MAPT: variants seen among roughly 807,000 people sequenced by gnomAD.
The protein encoded by MAPT is microtubule associated protein tau.
A neutral mutation model predicts 67.9 loss-of-function variants in MAPT; 34 were observed. That is an observed-to-expected ratio of 0.50 (90% confidence interval 0.38 to 0.67). The LOEUF (loss-of-function observed/expected upper bound fraction) is 0.67, where lower values mean the gene tolerates loss of function less well. MAPT is among the 30% of genes least tolerant of loss of function. The pLI is 0.00. For missense variants in MAPT, 881 were observed against 1,115.2 expected, an observed-to-expected ratio of 0.79 and a Z score of 2.99; for synonymous variants, 456 against 464.5, an observed-to-expected ratio of 0.98 and a Z score of 0.23.
At chr17:45,904,627 G>A (rs556305050) in intron 1 of MAPT, among the ~76,000 whole-genome samples, 1 of 151,168 alleles carries the variant, frequency 6.6e-6, no homozygotes, top group South Asian at 2.1e-4. Context: ...AGGAGTTCAA[G>A]GCTACAGTGA....
rs1229601664 is a variant in MAPT at position 45,985,606 on chromosome 17, G to T, written c.1352-1434G>T. The T allele has an allele frequency of 5.8e-6, 5 of 854,994 alleles. No individual in the cohort carries two copies. In the African/African-American group the frequency reaches 9.1e-5, roughly 16 times the overall value. The allele number at this position is 854,994 out of a possible 1,614,324, so 53.0% of individuals were successfully genotyped here. On this transcript the variant is annotated intron_variant, in intron 5 of 12. Coordinates refer to ENST00000262410, the MANE Select transcript of MAPT (RefSeq NM_001377265.1). ...AATGGCCATTGTGACCCTCTGAGAAGGTCACAGAGTGGGTTTCCCAAACTT... is the reference window on the plus strand; with the variant it reads ...AATGGCCATTGTGACCCTCTGAGAATGTCACAGAGTGGGTTTCCCAAACTT...
At chr17:45,984,301 C>T (rs188781184) in intron 5 of MAPT, among the ~76,000 whole-genome samples, 7 of 152,328 alleles carry the variant, frequency 4.6e-5, no homozygotes, top group African/African-American at 9.6e-5. Flanking sequence ...CTAGAACTCT[C>T]CAACCCTCCC....
At chr17:45,984,749 G>A (rs942874389) in intron 5 of MAPT, among the ~76,000 whole-genome samples, 2 of 152,210 alleles carry the variant, frequency 1.3e-5, no homozygotes, top group Non-Finnish European at 2.9e-5. Flanking sequence ...TCAGGAGCAC[G>A]ACCACAGCAG....
intron 1 of MAPT, among the ~76,000 whole-genome samples, chr17:45,904,321 A>AAT (rs2064102972): frequency 6.1e-5 from 2 of 32,642 alleles, no homozygotes; most frequent in Admixed American, 4.8e-4. Flanking sequence ...AAACATATAT[A>AAT]ATATATATTA....
At chr17:45,903,903 T>TTTATATATTATATA (rs1461297992) in intron 1 of MAPT, among the ~76,000 whole-genome samples, 370 of 30,726 alleles carry the variant, frequency 0.012, 30 homozygotes, top group African/African-American at 0.04. Context: ...ATTATATATA[T>TTTATATATTATATA]TTATATATTA....
chr17:46,003,421 A>G lies in MAPT; in HGVS notation c.1998+6757A>G, dbSNP rs182584863. On this transcript the variant is annotated intron_variant, in intron 9 of 12. Transcript: ENST00000262410. ...AGCCTCCCTAGTAGCTGGGATTACA[A>G]GCACACACCACCATGCCTAGCAAAT... Among the ~76,000 whole-genome samples, 305 of 152,030 alleles carry G rather than the reference A, an allele frequency of 2.0e-3. 1 individual carries two copies. Among genetic ancestry groups the G allele is most frequent in the African/African-American group, 6.7e-3 (279 of 41,472 alleles).
intron 3 of MAPT, 31 bp from the exon 4 acceptor site, chr17:45,978,344 A>ACC: frequency 6.4e-7 from 1 of 1,566,638 alleles, no homozygotes; most frequent in Non-Finnish European, 8.8e-7. Context: ...TCTTGCTTTT[A>ACC]CCCCCCTTCA....
At chr17:45,905,339 C>T (rs2064232514) in intron 1 of MAPT, among the ~76,000 whole-genome samples, 1 of 152,192 alleles carries the variant, frequency 6.6e-6, no homozygotes. Flanking sequence ...CTTAGCATCT[C>T]AACTGTGCCT....
At chr17:46,020,148 T>C (rs892493047) in intron 12 of MAPT, among the ~76,000 whole-genome samples, 1 of 151,962 alleles carries the variant, frequency 6.6e-6, no homozygotes, top group Non-Finnish European at 1.5e-5. Context: ...ATTTTCTAAA[T>C]GGGTTACTAG....
At chr17:46,004,077 G>T (rs1320615282) in intron 9 of MAPT, among the ~76,000 whole-genome samples, 1 of 152,212 alleles carries the variant, frequency 6.6e-6, no homozygotes, top group Non-Finnish European at 1.5e-5. Context: ...TAAACTCCCA[G>T]CAGAGTATTG....
chr17:45,950,098 G>A (rs1164461070), intron 1 of MAPT, among the ~76,000 whole-genome samples: 1 of 152,108 alleles, frequency 6.6e-6, no homozygotes, highest in African/African-American at 2.4e-5. Context: ...TGGGTCACTG[G>A]GGCTCGGTGG....
chr17:45,919,633 C>T (rs1331682338), intron 1 of MAPT, among the ~76,000 whole-genome samples: 2 of 152,296 alleles, frequency 1.3e-5, no homozygotes, highest in East Asian at 1.9e-4. Context: ...CGGGTTGGGG[C>T]GCAGTGGCTC....
rs1016459640 is a variant in MAPT at position 45,996,251 on chromosome 17, G to A, written c.1733-148G>A. 43 of 811,662 alleles carry A rather than the reference G, an allele frequency of 5.3e-5. No homozygotes were observed. Among genetic ancestry groups the A allele is most frequent in the African/African-American group, 1.3e-4 (8 of 59,492 alleles). 50.3% of individuals were successfully genotyped at this position (811,662 alleles called of 1,614,324 possible). A position where few individuals can be genotyped will look rare whatever the true frequency, so the allele number is the denominator to read the frequency against. The stretch of plus-strand genomic sequence containing the variant: ...GAAGAGATGCTTCCCCAGGGCAGCC[G>A]TCTGCTGTAGCTGCGCTTCCAACCT... On this transcript the variant is annotated intron_variant, in intron 8 of 12. Transcript: ENST00000262410. This position sits in a 1 kb window ranked among gnomAD's most constrained non-coding sequence, Gnocchi z 4.5.
At chr17:45,928,158 G>A (rs539764103) in intron 1 of MAPT, among the ~76,000 whole-genome samples, 2 of 152,240 alleles carry the variant, frequency 1.3e-5, no homozygotes, top group African/African-American at 4.8e-5. Context: ...TTATGCTGCA[G>A]TGACAAACAA....
intron 11 of MAPT, among the ~76,000 whole-genome samples, chr17:46,014,882 C>CAAGAAAAAAAAAAAAAA (rs2076065291): frequency 7.8e-6 from 1 of 127,500 alleles, no homozygotes; most frequent in Non-Finnish European, 1.7e-5. Flanking sequence ...GACTCCGTCT[C>CAAGAAAAAAAAAAAAAA]AAAAAAAAAA....
chr17:45,902,091 T>C (rs545863382), intron 1 of MAPT, among the ~76,000 whole-genome samples: 1 of 152,332 alleles, frequency 6.6e-6, no homozygotes, highest in South Asian at 2.1e-4. Flanking sequence ...TAATCTTTTT[T>C]TGAGACGGAG....
At chr17:45,999,404 T>A in intron 9 of MAPT, 1 of 1,614,032 alleles carries the variant, frequency 6.2e-7, no homozygotes, top group East Asian at 2.2e-5. Context: ...ATGATTCAGG[T>A]TGCCAGAGAC....
intron 2 of MAPT, among the ~76,000 whole-genome samples, chr17:45,964,509 G>A (rs1199899662): frequency 1.3e-5 from 2 of 151,512 alleles, no homozygotes; most frequent in Non-Finnish European, 2.9e-5. Context: ...GTGAGACCTC[G>A]TCTCTACAGA....
intron 12 of MAPT, among the ~76,000 whole-genome samples, chr17:46,019,398 CCT>C (rs1453964146): frequency 3.9e-5 from 6 of 152,176 alleles, no homozygotes; most frequent in Middle Eastern, 3.4e-3. Flanking sequence ...TATCAGTCTC[CCT>C]CTGTCATCCA....
Sources: gnomAD v4.1 joint callset for allele counts (sites outside exome capture counted in the v4.1 genomes callset) on GRCh38, gnomAD v4.1.1 for gene constraint, Gnocchi (gnomAD v3.1) non-coding constraint, MANE v1.5 for transcripts, NCBI Gene and HGNC (gene_info 2026-07-23, HGNC 2026-07-21) for gene names.